Variants in SRD5A2 observed in about 807,000 individuals in gnomAD.
SRD5A2 encodes 3-oxo-5-alpha-steroid 4-dehydrogenase 2.
In SRD5A2, 30 loss-of-function variants were observed where a neutral mutation model predicts 27.4. That is an observed-to-expected ratio of 1.10 (90% confidence interval 0.82 to 1.49). The LOEUF (loss-of-function observed/expected upper bound fraction) is 1.49, where lower values mean the gene tolerates loss of function less well. SRD5A2 is among the 40% of genes most tolerant of loss of function. The pLI, the probability that SRD5A2 is intolerant of heterozygous loss-of-function variation, is 0.00. For synonymous variants in SRD5A2, 141 were observed against 133.6 expected (o/e 1.06, Z -0.38); for missense variants, 348 against 323.4 (o/e 1.08, Z -0.58).
At chr2:31,548,352 G>C (rs535856506) in intron 1 of SRD5A2, among the ~76,000 whole-genome samples, 1 of 152,180 alleles carries the variant, frequency 6.6e-6, no homozygotes, top group African/African-American at 2.4e-5. Flanking sequence ...TATCTGACAA[G>C]AGATTGACAT....
At chr2:31,647,833 A>T in the SRD5A2 span, among the ~76,000 whole-genome samples, 1 of 152,248 alleles carries the variant, frequency 6.6e-6, no homozygotes, top group East Asian at 1.9e-4. Flanking sequence ...TAAAATACAT[A>T]AAGAATTCTC....
the SRD5A2 span, among the ~76,000 whole-genome samples, chr2:31,636,088 T>C: frequency 6.6e-6 from 1 of 151,968 alleles, no homozygotes; most frequent in Non-Finnish European, 1.5e-5. Context: ...AGAATGTCAT[T>C]TTTTTATACA....
chr2:31,535,442 G>C (rs1020634989), intron 1 of SRD5A2, among the ~76,000 whole-genome samples: 1 of 152,210 alleles, frequency 6.6e-6, no homozygotes, highest in Admixed American at 6.5e-5. Context: ...TGTTGGAACA[G>C]GGAGGCTGCT....
chr2:31,578,480 T>C (rs1572658684), intron 1 of SRD5A2, among the ~76,000 whole-genome samples: 1 of 152,152 alleles, frequency 6.6e-6, no homozygotes, highest in Non-Finnish European at 1.5e-5. Context: ...CCTACCTAAA[T>C]GGGTTGGTAT....
chr2:31,538,222 T>C (rs1328109617), intron 1 of SRD5A2, among the ~76,000 whole-genome samples: 1 of 152,202 alleles, frequency 6.6e-6, no homozygotes, highest in Non-Finnish European at 1.5e-5. Context: ...TCCCCAGACT[T>C]GCACTTCCCT....
intron 1 of SRD5A2, among the ~76,000 whole-genome samples, chr2:31,574,941 T>C (rs1270072299): frequency 6.6e-6 from 1 of 152,258 alleles, no homozygotes; most frequent in Non-Finnish European, 1.5e-5. Context: ...GCTTTCCCGC[T>C]ATAACAGTAG....
intron 2 of SRD5A2, among the ~76,000 whole-genome samples, chr2:31,533,232 T>A (rs1334271039): frequency 6.6e-6 from 1 of 152,030 alleles, no homozygotes; most frequent in African/African-American, 2.4e-5. Flanking sequence ...CTGGACAAGC[T>A]TGACAGCTTG....
At chr2:31,628,043 C>T in the SRD5A2 span, among the ~76,000 whole-genome samples, 2 of 151,994 alleles carry the variant, frequency 1.3e-5, no homozygotes, top group East Asian at 1.9e-4. Flanking sequence ...TTTTCTGCCT[C>T]GATGATTTAT....
chr2:31,625,874 G>A, the SRD5A2 span, among the ~76,000 whole-genome samples: 1 of 152,112 alleles, frequency 6.6e-6, no homozygotes, highest in African/African-American at 2.4e-5. Context: ...GAACTTTAAA[G>A]TAGTTTTTTC....
chr2:31,580,616 C>T lies in SRD5A2; in HGVS notation c.281+4G>A. ...ACTGGGCGCCCGCAAGGGAAAAACG[C>T]TACCTGTGGAAGTAATGTAGGCAGA... On this transcript the variant is annotated splice_donor_region_variant and intron_variant, in intron 1 of 4. Transcript: ENST00000622030. The T allele has an allele frequency of 6.5e-7, 1 of 1,547,176 alleles. No individual in the cohort carries two copies. The highest frequency in any genetic ancestry group is 8.7e-7 in the Non-Finnish European group (1 of 1,151,366).
At chr2:31,655,459 G>A in the SRD5A2 span, among the ~76,000 whole-genome samples, 75 of 152,354 alleles carry the variant, frequency 4.9e-4, no homozygotes, top group African/African-American at 9.1e-4. Flanking sequence ...CTTCCAGGCA[G>A]AGGATGGGAA....
chr2:31,626,544 T>A, the SRD5A2 span, among the ~76,000 whole-genome samples: 1 of 152,152 alleles, frequency 6.6e-6, no homozygotes, highest in Admixed American at 6.6e-5. Context: ...AGCACCTAGA[T>A]TATTGAGAGT....
intron 1 of SRD5A2, among the ~76,000 whole-genome samples, chr2:31,548,782 C>T (rs1323647680): frequency 6.6e-6 from 1 of 152,128 alleles, no homozygotes. Flanking sequence ...AATATTTGTG[C>T]ACACATTGAT....
At chr2:31,558,814 AG>A (rs1200869886) in intron 1 of SRD5A2, among the ~76,000 whole-genome samples, 8 of 152,216 alleles carry the variant, frequency 5.3e-5, no homozygotes, top group African/African-American at 1.9e-4. Context: ...TATATGGTCT[AG>A]GTGTGTAGGA....
chr2:31,662,268 T>C, the SRD5A2 span, among the ~76,000 whole-genome samples: 1 of 152,156 alleles, frequency 6.6e-6, no homozygotes, highest in Admixed American at 6.6e-5. Context: ...ATCCCTCTTC[T>C]TGATCACTCT....
At chr2:31,541,787 A>G (rs912543472) in intron 1 of SRD5A2, among the ~76,000 whole-genome samples, 2 of 152,208 alleles carry the variant, frequency 1.3e-5, no homozygotes, top group Non-Finnish European at 2.9e-5. Flanking sequence ...TGGACAGTAC[A>G]GTGATTGTGG....
At chr2:31,549,508 T>C (rs1023846946) in intron 1 of SRD5A2, among the ~76,000 whole-genome samples, 2 of 152,094 alleles carry the variant, frequency 1.3e-5, no homozygotes, top group African/African-American at 4.8e-5. Flanking sequence ...CTCAAAATGG[T>C]TCAAATGTTA....
At chr2:31,602,691 T>A in the SRD5A2 span, among the ~76,000 whole-genome samples, 1 of 151,800 alleles carries the variant, frequency 6.6e-6, no homozygotes, top group Non-Finnish European at 1.5e-5. Context: ...AACAACACAG[T>A]ACTGGTGGAA....
At chr2:31,617,619 A>G in the SRD5A2 span, among the ~76,000 whole-genome samples, 1 of 151,996 alleles carries the variant, frequency 6.6e-6, no homozygotes, top group African/African-American at 2.4e-5. Context: ...ATTCCCTGGG[A>G]TGCCCTAAAT....
Sources: allele counts gnomAD v4.1 joint callset (sites outside exome capture counted in the v4.1 genomes callset), GRCh38; gene constraint gnomAD v4.1.1; transcripts MANE v1.5; gene names NCBI Gene and HGNC (gene_info 2026-07-23, HGNC 2026-07-21).